SPTLC3: variants seen among roughly 807,000 people sequenced by gnomAD.
The protein encoded by SPTLC3 is serine palmitoyltransferase long chain base subunit 3.
SPTLC3 carries 36 observed loss-of-function variants against 59.3 expected under a neutral mutation model. That is an observed-to-expected ratio of 0.61 (90% confidence interval 0.47 to 0.80). The LOEUF (loss-of-function observed/expected upper bound fraction) is 0.80, where lower values mean the gene tolerates loss of function less well. Ranked by LOEUF, SPTLC3 falls within the 30% of genes least tolerant of loss-of-function variation. The pLI, the probability that SPTLC3 is intolerant of heterozygous loss-of-function variation, is 0.00. For missense variants in SPTLC3, 625 were observed against 685.1 expected (o/e 0.91, Z 0.98); for synonymous variants, 257 against 240.8 (o/e 1.07, Z -0.62).
intron 11 of SPTLC3, among the ~76,000 whole-genome samples, chr20:13,163,157 C>G (rs1003174629): frequency 1.3e-5 from 2 of 152,030 alleles, no homozygotes; most frequent in African/African-American, 4.8e-5. Flanking sequence ...GACCTGAGGT[C>G]AGGAGTTCGA....
At chr20:13,123,819 C>T (rs1283713423) in intron 8 of SPTLC3, among the ~76,000 whole-genome samples, 3 of 152,208 alleles carry the variant, frequency 2.0e-5, no homozygotes, top group Non-Finnish European at 2.9e-5. Context: ...CACAGGTCCA[C>T]GTAAGCCTCC....
In SPTLC3 at chr20:13,167,705, T is replaced by C. The variant is rs536810427; in HGVS notation, c.*2838T>C. 1.7e-4 allele frequency: 26 copies of C among 152,314 alleles called. No individual in the cohort carries two copies. The highest frequency in any genetic ancestry group is 3.3e-4 in the Admixed American group (5 of 15,300). The allele number at this position is 152,314 out of a possible 1,614,324, so 9.4% of individuals were successfully genotyped here. A position where few individuals can be genotyped will look rare whatever the true frequency, so the allele number is the denominator to read the frequency against. On this transcript the variant is annotated 3_prime_UTR_variant, in exon 12 of 12. Transcript: ENST00000399002. ...AACCATATTGCCTTTCAGCATGCTT[T>C]GATTTTACAGAGACGACAGGCTTTG...
chr20:13,083,216 C>T (rs904122064), intron 4 of SPTLC3, among the ~76,000 whole-genome samples: 30 of 152,084 alleles, frequency 2.0e-4, no homozygotes, highest in African/African-American at 7.0e-4. Context: ...CCAGACTTTC[C>T]CTATTTTTCA....
At chr20:13,010,029 C>T (rs1216301269) in intron 1 of SPTLC3, among the ~76,000 whole-genome samples, 1 of 149,198 alleles carries the variant, frequency 6.7e-6, no homozygotes. Flanking sequence ...CTTGTATTTT[C>T]CAACTTGACA....
intron 11 of SPTLC3, among the ~76,000 whole-genome samples, chr20:13,162,917 C>T (rs1403913063): frequency 6.6e-6 from 1 of 152,040 alleles, no homozygotes; most frequent in Non-Finnish European, 1.5e-5. Flanking sequence ...CCCATCTCAG[C>T]AAGCTAAAGA....
At chr20:13,160,735 T>C (rs1226384923) in intron 11 of SPTLC3, among the ~76,000 whole-genome samples, 2 of 152,226 alleles carry the variant, frequency 1.3e-5, no homozygotes, top group African/African-American at 2.4e-5. Context: ...GAGAGTCAAC[T>C]ATGTGCAAAC....
intron 4 of SPTLC3, among the ~76,000 whole-genome samples, chr20:13,082,924 C>G (rs6131435): frequency 3.9e-5 from 6 of 152,182 alleles, no homozygotes; most frequent in Non-Finnish European, 7.3e-5. Flanking sequence ...ATGTCTGCTC[C>G]TAATTTCTCA....
intron 4 of SPTLC3, among the ~76,000 whole-genome samples, chr20:13,085,287 C>A (rs1988969607): frequency 6.6e-6 from 1 of 152,118 alleles, no homozygotes; most frequent in Admixed American, 6.5e-5. Flanking sequence ...TCCATAACCT[C>A]CATTAGACTG....
At chr20:13,119,911 CTG>C (rs1007067691) in intron 8 of SPTLC3, among the ~76,000 whole-genome samples, 14 of 152,220 alleles carry the variant, frequency 9.2e-5, no homozygotes, top group South Asian at 2.1e-4. Context: ...TTTGGTCAGA[CTG>C]TGATAAACCT....
At chr20:13,044,194 G>A (rs1021858477) in intron 1 of SPTLC3, among the ~76,000 whole-genome samples, 2 of 151,602 alleles carry the variant, frequency 1.3e-5, no homozygotes, top group Admixed American at 1.3e-4. Flanking sequence ...CTGCCTCCTG[G>A]GTTCAAGCAA....
chr20:13,051,405 T>C (rs2122505799), intron 2 of SPTLC3, among the ~76,000 whole-genome samples: 1 of 152,318 alleles, frequency 6.6e-6, no homozygotes. Flanking sequence ...TAAACATATA[T>C]GCACCTAACA....
intron 2 of SPTLC3, among the ~76,000 whole-genome samples, chr20:13,059,531 C>T (rs1600239807): frequency 6.6e-6 from 1 of 152,214 alleles, no homozygotes; most frequent in African/African-American, 2.4e-5. Context: ...ACATGCACAG[C>T]TATCCTACTA....
intron 9 of SPTLC3, among the ~76,000 whole-genome samples, chr20:13,134,540 T>A (rs779885691): frequency 1.3e-5 from 2 of 152,142 alleles, no homozygotes; most frequent in Non-Finnish European, 2.9e-5. Context: ...CAAAGAGTGG[T>A]CCCTGGACCA....
intron 2 of SPTLC3, among the ~76,000 whole-genome samples, chr20:13,066,278 A>G (rs572290112): frequency 1.3e-5 from 2 of 152,202 alleles, no homozygotes; most frequent in Non-Finnish European, 2.9e-5. Flanking sequence ...ATTATTCTGC[A>G]TATGTATATC....
At chr20:13,015,152 T>C (rs879430867) in intron 1 of SPTLC3, among the ~76,000 whole-genome samples, 1 of 152,196 alleles carries the variant, frequency 6.6e-6, no homozygotes, top group Non-Finnish European at 1.5e-5. Context: ...AGGATTATGC[T>C]GTTAAGCAAC....
intron 1 of SPTLC3, among the ~76,000 whole-genome samples, chr20:13,043,639 G>A (rs1186642162): frequency 1.3e-5 from 2 of 152,108 alleles, no homozygotes; most frequent in Non-Finnish European, 2.9e-5. Flanking sequence ...CGTGTTCCAG[G>A]AATTATACTG....
intron 1 of SPTLC3, among the ~76,000 whole-genome samples, chr20:13,018,775 T>G (rs1455558257): frequency 1.3e-5 from 2 of 152,242 alleles, no homozygotes; most frequent in Non-Finnish European, 2.9e-5. Flanking sequence ...GATTTTGAAA[T>G]ATATTTAATG....
chr20:13,033,381 C>T (rs575670416), intron 1 of SPTLC3, among the ~76,000 whole-genome samples: 9 of 152,280 alleles, frequency 5.9e-5, no homozygotes, highest in African/African-American at 1.9e-4. Context: ...CCTCACATTT[C>T]TTCAGAAAAC....
intron 9 of SPTLC3, among the ~76,000 whole-genome samples, chr20:13,141,258 T>C (rs2038376916): frequency 6.6e-6 from 1 of 152,236 alleles, no homozygotes; most frequent in Non-Finnish European, 1.5e-5. Flanking sequence ...AGCTACACTA[T>C]CCATTCACAT....
Sources: allele counts gnomAD v4.1 joint callset (sites outside exome capture counted in the v4.1 genomes callset), GRCh38; gene constraint gnomAD v4.1.1; transcripts MANE v1.5; gene names NCBI Gene and HGNC (gene_info 2026-07-23, HGNC 2026-07-21).